Variants in MTF1 observed in about 807,000 individuals in gnomAD.
MTF1 encodes the protein MRE-binding transcription factor.
MTF1 carries 22 observed loss-of-function variants against 70.4 expected under a neutral mutation model. That is an observed-to-expected ratio of 0.31 (90% CI 0.22 to 0.45). The LOEUF (loss-of-function observed/expected upper bound fraction) is 0.45, where lower values mean the gene tolerates loss of function less well. MTF1 is among the 20% of genes least tolerant of loss of function. MTF1 has a pLI of 1.00. For missense variants in MTF1, 649 were observed against 922.0 expected, an observed-to-expected ratio of 0.70 and a Z score of 3.83; for synonymous variants, 333 against 352.8, an observed-to-expected ratio of 0.94 and a Z score of 0.63.
At position 37,810,242 on chromosome 1, in the gene MTF1, C is replaced by CA. The variant is rs1319929665; in HGVS notation, c.*4893dup. The CA allele has an allele frequency of 1.3e-5, 2 of 152,462 alleles. No homozygotes were observed. The highest frequency in any genetic ancestry group is 4.8e-5 in the African/African-American group (2 of 41,400). 9.4% of individuals were successfully genotyped at this position (152,462 alleles called of 1,614,324 possible). ...CAAAAAACACCCCTGGGTTTTGGTG[C>CA]AAAAAGGTTTTATGAAAAATTTTCC... On this transcript the variant is annotated 3_prime_UTR_variant, in exon 11 of 11. Transcript: ENST00000373036.
chr1:37,824,902 G>C (rs753538323), intron 7 of MTF1, among the ~76,000 whole-genome samples: 6 of 152,016 alleles, frequency 3.9e-5, no homozygotes, highest in Non-Finnish European at 7.4e-5. Flanking sequence ...TAAAATGTGA[G>C]GGGGGAGACC....
chr1:37,856,918 A>G (rs972259494), intron 2 of MTF1, among the ~76,000 whole-genome samples: 13 of 152,244 alleles, frequency 8.5e-5, no homozygotes, highest in Non-Finnish European at 1.5e-5. Context: ...TCATCAAATA[A>G]GCAAACTCCA....
intron 10 of MTF1, among the ~76,000 whole-genome samples, chr1:37,817,154 T>C (rs1309751614): frequency 6.6e-6 from 1 of 152,260 alleles, no homozygotes; most frequent in African/African-American, 2.4e-5. Context: ...AATTTTTTTC[T>C]GGCTACATTT....
chr1:37,833,042 T>C (rs997737900), intron 6 of MTF1, among the ~76,000 whole-genome samples: 14 of 151,816 alleles, frequency 9.2e-5, no homozygotes, highest in African/African-American at 3.4e-4. Context: ...TAAAGAGTTT[T>C]AACATTATCT....
At chr1:37,850,775 AG>A (rs1641406985) in intron 2 of MTF1, among the ~76,000 whole-genome samples, 1 of 152,184 alleles carries the variant, frequency 6.6e-6, no homozygotes, top group African/African-American at 2.4e-5. Flanking sequence ...GTAATAGGTA[AG>A]CCAACTCCAC....
intron 9 of MTF1, 30 bp downstream of exon 9, chr1:37,822,091 C>T: frequency 6.6e-7 from 1 of 1,514,170 alleles, no homozygotes; most frequent in Non-Finnish European, 9.0e-7. Context: ...ACACTTCACC[C>T]CACTGGGTAT....
chr1:37,820,582 A>G (rs1640895223), intron 9 of MTF1, among the ~76,000 whole-genome samples: 1 of 152,086 alleles, frequency 6.6e-6, no homozygotes, highest in East Asian at 1.9e-4. Flanking sequence ...ATACAGAGAT[A>G]GTAAAAATAT....
rs1220392902 is a variant in MTF1, at chr1:37,809,958, T to C, written c.*5178A>G. ...AAAAGGGCTCTTGGGGGCTCTTGCC[T>C]TTCCTGGCTAGAAGATCTGAGCCAG... On this transcript the variant is annotated 3_prime_UTR_variant, in exon 11 of 11. Coordinates refer to ENST00000373036, the MANE Select transcript of MTF1 (RefSeq NM_005955.3). 1 of 152,548 alleles carries C rather than the reference T, an allele frequency of 6.6e-6. No individual in the cohort carries two copies. The highest frequency in any genetic ancestry group is 1.5e-5 in the Non-Finnish European group (1 of 68,036). The allele number at this position is 152,548 out of a possible 1,614,324, so 9.4% of individuals were successfully genotyped here.
chr1:37,827,164 C>T (rs1415478625), intron 7 of MTF1, among the ~76,000 whole-genome samples: 2 of 152,056 alleles, frequency 1.3e-5, no homozygotes, highest in African/African-American at 4.8e-5. Context: ...TGAAACAGAC[C>T]TTATCCTTAC....
intron 3 of MTF1, 87 bp from the exon 4 acceptor site, chr1:37,838,843 C>T (rs1340800004): frequency 1.9e-5 from 19 of 1,010,286 alleles, no homozygotes; most frequent in African/African-American, 5.5e-5. Context: ...TCGCTCTTGT[C>T]GCCCAGGCTG....
chr1:37,812,618 G>A lies in MTF1; in HGVS notation c.*2518C>T, dbSNP rs1463543231. 1.3e-5 allele frequency: 2 copies of A among 152,230 alleles called. No homozygotes were observed. The highest frequency in any genetic ancestry group is 2.9e-5 in the Non-Finnish European group (2 of 68,060). The allele number at this position is 152,230 out of a possible 1,614,324, so 9.4% of individuals were successfully genotyped here. A position where few individuals can be genotyped will look rare whatever the true frequency, so the allele number is the denominator to read the frequency against. Reference sequence around the variant, plus strand: ...CATGAGCACAGCCCTGGCTAACCAAGAAGAGTCGCTATTTAAACTGTGGGT... The same window carrying A: ...CATGAGCACAGCCCTGGCTAACCAAAAAGAGTCGCTATTTAAACTGTGGGT... On this transcript the variant is annotated 3_prime_UTR_variant, in exon 11 of 11. Transcript: ENST00000373036.
At chr1:37,825,094 A>G (rs1557588773) in intron 7 of MTF1, among the ~76,000 whole-genome samples, 1 of 152,150 alleles carries the variant, frequency 6.6e-6, no homozygotes. Context: ...AAGTCCAGAG[A>G]GGGAAAAGAA....
Position 37,835,238 on chromosome 1 carries a change from T to A in MTF1, c.854-23A>T, listed in dbSNP as rs771911483. On this transcript the variant is annotated intron_variant, in intron 5 of 10. Coordinates refer to ENST00000373036, the MANE Select transcript of MTF1 (RefSeq NM_005955.3). ...CACCTGCAAGAATAACAAAGTAGTG[T>A]TAATTTACCATAAAGTCATTTCACT... is the stretch of plus-strand genomic sequence containing the variant. The A allele has an allele frequency of 1.1e-5, 18 of 1,606,888 alleles. 1 individual carries two copies. In the South Asian group the frequency reaches 2.0e-4, roughly 18 times the overall value.
At chr1:37,856,820 A>G (rs1364115412) in intron 2 of MTF1, among the ~76,000 whole-genome samples, 1 of 152,214 alleles carries the variant, frequency 6.6e-6, no homozygotes, top group Non-Finnish European at 1.5e-5. Flanking sequence ...ACATTCACTA[A>G]GATAATAAAA....
chr1:37,828,756 G>A (rs1379398453), intron 7 of MTF1, among the ~76,000 whole-genome samples: 6 of 152,200 alleles, frequency 3.9e-5, no homozygotes, highest in Non-Finnish European at 8.8e-5. Context: ...GGAAAATGCT[G>A]AAGCCCCTGC....
At chr1:37,828,275 G>A in intron 7 of MTF1, 1 of 365,728 alleles carries the variant, frequency 2.7e-6, no homozygotes, top group Non-Finnish European at 5.3e-6. Flanking sequence ...TGAGGGGGGG[G>A]CCTCTGGGGT....
intron 9 of MTF1, among the ~76,000 whole-genome samples, chr1:37,818,442 C>T (rs1401759131): frequency 3.9e-5 from 6 of 152,336 alleles, no homozygotes; most frequent in East Asian, 1.9e-4. Flanking sequence ...CAGTGGCTCA[C>T]GCCTGTAATC....
At chr1:37,822,939 T>G (rs1226613808) in intron 8 of MTF1, among the ~76,000 whole-genome samples, 1 of 152,194 alleles carries the variant, frequency 6.6e-6, no homozygotes, top group East Asian at 1.9e-4. Flanking sequence ...CCCAATATAG[T>G]TCTAACCATT....
chr1:37,833,516 C>T (rs977213897), intron 6 of MTF1, among the ~76,000 whole-genome samples: 3 of 152,200 alleles, frequency 2.0e-5, no homozygotes, highest in African/African-American at 7.2e-5. Context: ...CTCAGATGCT[C>T]CTATTCATGC....
Sources: gnomAD v4.1 joint callset for allele counts (sites outside exome capture counted in the v4.1 genomes callset) on GRCh38, gnomAD v4.1.1 for gene constraint, MANE v1.5 for transcripts, NCBI Gene and HGNC (gene_info 2026-07-23, HGNC 2026-07-21) for gene names.